The following CTDSPL variants were observed in gnomAD, a reference collection of about 807,000 sequenced individuals.
CTDSPL encodes CTD small phosphatase like.
In CTDSPL, 8 loss-of-function variants were observed where a neutral mutation model predicts 30.5. The observed-to-expected ratio is 0.26, with a 90% CI of 0.15 to 0.47. The LOEUF is 0.47. Ranked by LOEUF, CTDSPL falls within the 20% of genes least tolerant of loss-of-function variation. The pLI, the probability that CTDSPL is intolerant of heterozygous loss-of-function variation, is 0.99. For synonymous variants in CTDSPL, 110 were observed against 137.9 expected (o/e 0.80, Z 1.42); for missense variants, 248 against 366.1 (o/e 0.68, Z 2.63).
intron 5 of CTDSPL, chr3:37,968,412 A>G (rs1699324944): frequency 7.6e-6 from 2 of 264,820 alleles, no homozygotes; most frequent in Non-Finnish European, 7.8e-6. Context: ...TGCTATGAAT[A>G]AAGATGCCGT....
At chr3:37,924,520 A>C (rs991047151) in intron 1 of CTDSPL, among the ~76,000 whole-genome samples, 1 of 152,228 alleles carries the variant, frequency 6.6e-6, no homozygotes, top group Non-Finnish European at 1.5e-5. Context: ...GAACATGTAA[A>C]ATGTCCTGAG....
Position 37,948,808 on chromosome 3 carries a change from C to CTTTTT in CTDSPL, c.234+1616_234+1620dup, listed in dbSNP as rs71635858. Among the ~76,000 whole-genome samples the CTTTTT allele has an allele frequency of 4.6e-3, 498 of 108,088 alleles. 2 individuals are homozygous for CTTTTT. Among genetic ancestry groups the CTTTTT allele is most frequent in the African/African-American group, 7.6e-3 (185 of 24,444 alleles). 70.9% of individuals were successfully genotyped at this position (108,088 alleles called of 152,430 possible). A position where few individuals can be genotyped will look rare whatever the true frequency, so the allele number is the denominator to read the frequency against. On this transcript the variant is annotated intron_variant, in intron 2 of 7. Coordinates refer to ENST00000273179, the MANE Select transcript of CTDSPL (RefSeq NM_001008392.2). ...TAATGAGAGACCATTTTCCAGCTTT[C>CTTTTT]TTTTTTTTTTTTTTTTTTTTTTTGA...
At chr3:37,928,719 C>G (rs942835951) in intron 1 of CTDSPL, among the ~76,000 whole-genome samples, 4 of 152,036 alleles carry the variant, frequency 2.6e-5, no homozygotes, top group Admixed American at 2.6e-4. Flanking sequence ...TATACTTTCT[C>G]CCATGCTTTA....
At chr3:37,870,787 A>T (rs1698063407) in intron 1 of CTDSPL, among the ~76,000 whole-genome samples, 2 of 152,144 alleles carry the variant, frequency 1.3e-5, no homozygotes, top group African/African-American at 4.8e-5. Flanking sequence ...AATACTTTTT[A>T]AAAATATACT....
At chr3:37,891,190 G>A (rs1034353109) in intron 1 of CTDSPL, among the ~76,000 whole-genome samples, 1 of 152,058 alleles carries the variant, frequency 6.6e-6, no homozygotes, top group Admixed American at 6.5e-5. Flanking sequence ...ATCCCTACCC[G>A]TTACCCAGGG....
intron 1 of CTDSPL, among the ~76,000 whole-genome samples, chr3:37,905,810 T>C (rs1698508527): frequency 6.6e-6 from 1 of 152,236 alleles, no homozygotes; most frequent in African/African-American, 2.4e-5. Flanking sequence ...AGCTTTGGAA[T>C]ACACCATTTA....
At position 37,980,894 on chromosome 3, in the gene CTDSPL, G is replaced by A. The variant is rs374217787; in HGVS notation, c.*27G>A. On this transcript the variant is annotated 3_prime_UTR_variant, in exon 8 of 8. Coordinates refer to ENST00000273179, the MANE Select transcript of CTDSPL (RefSeq NM_001008392.2). ...CCTGGCCTCTGCCTGCCTCCCGCCT[G>A]TGCACTCTGGAACCTCTGGCCTCAG... 143 of 1,607,908 alleles carry A rather than the reference G, an allele frequency of 8.9e-5. No individual in the cohort carries two copies. Among genetic ancestry groups the A allele is most frequent in the Non-Finnish European group, 1.2e-4 (136 of 1,175,942 alleles).
intron 1 of CTDSPL, among the ~76,000 whole-genome samples, chr3:37,895,721 T>G (rs1698383355): frequency 6.6e-6 from 1 of 152,230 alleles, no homozygotes. Context: ...AGAATCAGTC[T>G]AGGATGGAAA....
At chr3:37,974,522 G>T (rs563326409) in intron 6 of CTDSPL, among the ~76,000 whole-genome samples, 1 of 152,340 alleles carries the variant, frequency 6.6e-6, no homozygotes, top group East Asian at 1.9e-4. Context: ...CTCGTGTCAG[G>T]CTTGGCAACT....
At chr3:37,976,875 G>T (rs1699434588) in intron 7 of CTDSPL, among the ~76,000 whole-genome samples, 1 of 152,034 alleles carries the variant, frequency 6.6e-6, no homozygotes. Flanking sequence ...CAGGGCCTCT[G>T]GTGACTGCTG....
intron 1 of CTDSPL, among the ~76,000 whole-genome samples, chr3:37,894,106 A>T (rs1280510329): frequency 1.3e-5 from 2 of 152,106 alleles, no homozygotes; most frequent in Non-Finnish European, 2.9e-5. Context: ...AAGAGAAAAG[A>T]TCTCACGGTG....
chr3:37,927,867 G>A (rs1304672454), intron 1 of CTDSPL, among the ~76,000 whole-genome samples: 1 of 151,666 alleles, frequency 6.6e-6, no homozygotes, highest in Non-Finnish European at 1.5e-5. Flanking sequence ...CCCAGCCCTT[G>A]GCAGCCACCA....
intron 5 of CTDSPL, among the ~76,000 whole-genome samples, chr3:37,968,816 G>A (rs928374106): frequency 2.6e-5 from 4 of 152,200 alleles, no homozygotes; most frequent in African/African-American, 9.7e-5. Flanking sequence ...CCAGGGAAGG[G>A]GTTGGTTAAA....
chr3:37,880,727 ATAAC>A (rs1698194052), intron 1 of CTDSPL, among the ~76,000 whole-genome samples: 1 of 152,246 alleles, frequency 6.6e-6, no homozygotes, highest in African/African-American at 2.4e-5. Context: ...ATCTAGGTGT[ATAAC>A]TAAATACAAA....
At chr3:37,945,592 T>C (rs1699026404) in intron 1 of CTDSPL, among the ~76,000 whole-genome samples, 1 of 152,242 alleles carries the variant, frequency 6.6e-6, no homozygotes, top group Non-Finnish European at 1.5e-5. Flanking sequence ...AATGGCCTGG[T>C]CTGGCCTGAC....
intron 7 of CTDSPL, among the ~76,000 whole-genome samples, chr3:37,979,933 C>T (rs1459229984): frequency 1.3e-5 from 2 of 152,162 alleles, no homozygotes; most frequent in Non-Finnish European, 2.9e-5. Flanking sequence ...AGAAGTGTGT[C>T]CATTTCTGCC....
intron 1 of CTDSPL, among the ~76,000 whole-genome samples, chr3:37,912,196 G>A (rs1385023909): frequency 1.3e-5 from 2 of 152,212 alleles, no homozygotes; most frequent in Admixed American, 1.3e-4. Context: ...CGCAAGTGGG[G>A]TCCACCCAGG....
intron 1 of CTDSPL, among the ~76,000 whole-genome samples, chr3:37,882,992 C>T (rs1026183422): frequency 1.3e-5 from 2 of 152,152 alleles, no homozygotes; most frequent in Non-Finnish European, 2.9e-5. Flanking sequence ...TTAACATGTT[C>T]TATTTACAAA....
chr3:37,946,996 T>G, intron 1 of CTDSPL, 61 bp from the exon 2 acceptor site: 1 of 1,512,792 alleles, frequency 6.6e-7, no homozygotes, highest in South Asian at 1.3e-5. Context: ...ATTTTTGCAT[T>G]ATATTACAAC....
Sources: gnomAD v4.1 joint callset for allele counts (sites outside exome capture counted in the v4.1 genomes callset) on GRCh38, gnomAD v4.1.1 for gene constraint, MANE v1.5 for transcripts, NCBI Gene and HGNC (gene_info 2026-07-23, HGNC 2026-07-21) for gene names.